GGTLC2: variants seen among roughly 807,000 people sequenced by gnomAD.
GGTLC2 encodes glutathione hydrolase light chain 2.
GGTLC2 carries 13 observed loss-of-function variants against 20.2 expected under a neutral mutation model. The observed-to-expected ratio is 0.64, with a 90% CI of 0.42 to 1.02. GGTLC2 has a LOEUF of 1.02. Among genes scored for constraint, GGTLC2 ranks in the 50% least tolerant of loss-of-function variants. GGTLC2 has a pLI of 0.00. For missense variants in GGTLC2, 202 were observed against 301.3 expected, an observed-to-expected ratio of 0.67 and a Z score of 2.44; for synonymous variants, 89 against 125.5, an observed-to-expected ratio of 0.71 and a Z score of 1.94.
chr22:22,645,971 T>G (rs574156084), intron 1 of GGTLC2: 13 of 365,244 alleles, frequency 3.6e-5, no homozygotes, highest in Non-Finnish European at 6.7e-5. Flanking sequence ...CTGTGTGTGT[T>G]TGTTTTTCTT....
chr22:22,645,149 C>T (rs1205648150), intron 1 of GGTLC2, among the ~76,000 whole-genome samples: 2 of 151,258 alleles, frequency 1.3e-5, no homozygotes, highest in African/African-American at 4.9e-5. Flanking sequence ...TCCCAAAGTG[C>T]TGGCATTACA....
intron 3 of GGTLC2, 22 bp from the exon 4 acceptor site, chr22:22,646,961 T>C (rs2146256952): frequency 6.2e-7 from 1 of 1,611,718 alleles, no homozygotes; most frequent in East Asian, 2.2e-5. Context: ...CGGGCATCCC[T>C]GTCTTCTCCC....
At chr22:22,646,030 C>T in intron 1 of GGTLC2, 2 of 848,370 alleles carry the variant, frequency 2.4e-6, no homozygotes, top group South Asian at 3.8e-5. Context: ...TTCCCCAGTT[C>T]CAGGCATGCA....
chr22:22,644,936 G>A (rs112268460), intron 1 of GGTLC2, among the ~76,000 whole-genome samples: 1 of 110,262 alleles, frequency 9.1e-6, no homozygotes. Context: ...TGTCGCCCAG[G>A]CTGGATTCCA....
Position 22,647,280 on chromosome 22 carries a change from A to C in GGTLC2, c.500A>C (p.Asn167Thr). 6.2e-7 allele frequency: 1 copy of C among 1,610,758 alleles called. No homozygotes were observed. Among genetic ancestry groups the C allele is most frequent in the Non-Finnish European group, 8.5e-7 (1 of 1,179,310 alleles). The stretch of plus-strand genomic sequence containing the variant: ...CCCAACGTCACGACAGTGGAGAGAA[A>C]CATTGACCAGGTGGGCCGGGGGTTG... ...LLPNVTTVER[N>T]IDQAVTAALE... is the part of the protein sequence containing the mutation. Residue 167 changes from asparagine (N) to threonine (T), a missense_variant, in exon 5 of 6, where the codon AAC becomes ACC. Coordinates refer to ENST00000448514, the MANE Select transcript of GGTLC2 (RefSeq NM_199127.3).
chr22:22,647,372 G>A, intron 5 of GGTLC2, 82 bp downstream of exon 5: 10 of 1,606,052 alleles, frequency 6.2e-6, no homozygotes, highest in Non-Finnish European at 8.5e-6. Context: ...ATCACAGAGT[G>A]GACAATTGTT....
At chr22:22,645,995 G>C in intron 1 of GGTLC2, 1 of 472,312 alleles carries the variant, frequency 2.1e-6, no homozygotes, top group Non-Finnish European at 3.6e-6. Context: ...ATGAGGGCAG[G>C]ACCTAAGTGT....
At position 22,647,299 on chromosome 22, in the gene GGTLC2, G is replaced by C. The variant is rs1167542887; in HGVS notation, c.510+9G>C. The C allele has an allele frequency of 1.2e-6, 2 of 1,608,576 alleles. No individual in the cohort carries two copies. On this transcript the variant is annotated intron_variant, in intron 5 of 5. Coordinates refer to ENST00000448514, the MANE Select transcript of GGTLC2 (RefSeq NM_199127.3). ...AGAGAAACATTGACCAGGTGGGCCG[G>C]GGGTTGGAGAAACTGAGTCACGGTG...
chr22:22,646,013 C>T lies in GGTLC2; in HGVS notation c.-34-299C>T, dbSNP rs1344512356. The T allele has an allele frequency of 2.0e-5, 13 of 634,864 alleles. 1 individual carries two copies. Among genetic ancestry groups the T allele is most frequent in the Admixed American group, 7.0e-5 (2 of 28,534 alleles). The allele number at this position is 634,864 out of a possible 1,614,324, so 39.3% of individuals were successfully genotyped here. A position where few individuals can be genotyped will look rare whatever the true frequency, so the allele number is the denominator to read the frequency against. On this transcript the variant is annotated intron_variant, in intron 1 of 5. Transcript: ENST00000448514. ...AGGGCAGGACCTAAGTGTCTGTTCC[C>T]TGTTGATTCCCCAGTTCCAGGCATG...
At position 22,647,753 on chromosome 22, in the gene GGTLC2, G is replaced by A. The variant is rs879207952; in HGVS notation, c.*12G>A. On this transcript the variant is annotated 3_prime_UTR_variant, in exon 6 of 6. Coordinates refer to ENST00000448514, the MANE Select transcript of GGTLC2 (RefSeq NM_199127.3). ...CTGCCGGCTACTGAGTGCTCCAGGA[G>A]GACAAGGCTGACAAGCAATCCAGGG... 8 of 1,576,092 alleles carry A rather than the reference G, an allele frequency of 5.1e-6. No homozygotes were observed. Among genetic ancestry groups the A allele is most frequent in the East Asian group, 4.5e-5 (2 of 43,990 alleles).
chr22:22,645,733 G>A (rs2064049529), intron 1 of GGTLC2, among the ~76,000 whole-genome samples: 1 of 151,466 alleles, frequency 6.6e-6, no homozygotes. Context: ...CTGTGGGATG[G>A]GCCCCAGCCT....
chr22:22,646,290 C>G lies in GGTLC2; in HGVS notation c.-34-22C>G. The G allele has an allele frequency of 7.0e-6, 6 of 858,574 alleles. 1 individual carries two copies. Among genetic ancestry groups the G allele is most frequent in the Non-Finnish European group, 9.2e-6 (5 of 544,060 alleles). 53.2% of individuals were successfully genotyped at this position (858,574 alleles called of 1,614,324 possible). On this transcript the variant is annotated intron_variant, in intron 1 of 5. Coordinates refer to ENST00000448514, the MANE Select transcript of GGTLC2 (RefSeq NM_199127.3). ...TTCTGAGACCTGTGTCCCCTCCCCA[C>G]CCTCCCTCCCCACCTCCTCAGGCCA... is the stretch of plus-strand genomic sequence containing the variant.
intron 1 of GGTLC2, among the ~76,000 whole-genome samples, chr22:22,645,054 G>A (rs112625264): frequency 1.4e-4 from 20 of 145,752 alleles, no homozygotes; most frequent in South Asian, 2.4e-4. Flanking sequence ...CACCACACCC[G>A]GCTAATTTTT....
At position 22,647,475 on chromosome 22, in the gene GGTLC2, G is replaced by A. The variant is rs984600639; in HGVS notation, c.511-120G>A. ...AGTGAGACCCAGCAGGCCCCAACCT[G>A]CTCTTCCTGATGACCTGGCCCGAAA... On this transcript the variant is annotated intron_variant, in intron 5 of 5. Transcript: ENST00000448514. 14 of 1,291,934 alleles carry A rather than the reference G, an allele frequency of 1.1e-5. No homozygotes were observed. In the East Asian group the frequency reaches 1.2e-4, roughly 11 times the overall value. The allele number at this position is 1,291,934 out of a possible 1,614,324, so 80.0% of individuals were successfully genotyped here.
In GGTLC2 at chr22:22,646,317, C is replaced by T; in HGVS notation, c.-29C>T. ...CTCCCTCCCCACCTCCTCAGGCCAG[C>T]TCTGGGGTCTCGGCAGGTGGTCCAC... On this transcript the variant is annotated 5_prime_UTR_variant, in exon 2 of 6. Transcript: ENST00000448514. 7.7e-7 allele frequency: 1 copy of T among 1,301,836 alleles called. No individual in the cohort carries two copies. The allele number at this position is 1,301,836 out of a possible 1,614,324, so 80.6% of individuals were successfully genotyped here. A position where few individuals can be genotyped will look rare whatever the true frequency, so the allele number is the denominator to read the frequency against.
chr22:22,644,913 T>G (rs1176738764), intron 1 of GGTLC2, among the ~76,000 whole-genome samples: 2 of 95,420 alleles, frequency 2.1e-5, no homozygotes, highest in Non-Finnish European at 3.9e-5. Flanking sequence ...TTTTTTGAGA[T>G]GGAGTCTCCC....
rs1415982574 is a variant in GGTLC2, at chr22:22,647,200, C to T, written c.420C>T (p.Phe140=). The change falls in exon 5 of 6, where the codon TTC becomes TTT. Residue 140 remains phenylalanine (F), a synonymous_variant. Transcript: ENST00000448514. ...MPQAIIYNLW[F]GYDVKRAVEE... ...AGGCCATCATCTACAACCTCTGGTT[C>T]GGCTATGACGTGAAGCGGGCCGTGG... 5.0e-6 allele frequency: 8 copies of T among 1,611,536 alleles called. No homozygotes were observed. Among genetic ancestry groups the T allele is most frequent in the East Asian group, 2.2e-5 (1 of 44,752 alleles).
rs8192912 is a variant in GGTLC2 at position 22,646,394 on chromosome 22, G to A, written c.49G>A (p.Asp17Asn). The change falls in exon 2 of 6, where the codon GAC becomes AAC. Residue 17 changes from aspartate (D) to asparagine (N), a missense_variant. Physicochemically the swap from Asp to Asn is conservative, Grantham distance 23. This residue lies in a region of GGTLC2 where 44 missense variants were observed against 81.2 expected (regional missense o/e 0.54). Coordinates refer to ENST00000448514, the MANE Select transcript of GGTLC2 (RefSeq NM_199127.3). ...AAQLRAQISD[D>N]TTHPISYYKP... ...CCAGCTCCGGGCCCAGATCTCTGAC[G>A]ACACCACTCACCCGATCTCCTACTA... is the stretch of plus-strand genomic sequence containing the variant. The A allele has an allele frequency of 1.8e-4, 274 of 1,564,568 alleles. 5 individuals carry two copies. The highest frequency in any genetic ancestry group is 1.6e-3 in the African/African-American group (117 of 72,134).
chr22:22,645,384 C>G (rs1197015269), intron 1 of GGTLC2, among the ~76,000 whole-genome samples: 3 of 148,744 alleles, frequency 2.0e-5, no homozygotes, highest in Non-Finnish European at 4.5e-5. Context: ...CGCCCTTGCC[C>G]GTGAACCCAT....
Sources: allele counts gnomAD v4.1 joint callset (sites outside exome capture counted in the v4.1 genomes callset), GRCh38; gene constraint gnomAD v4.1.1; regional missense constraint gnomAD v4.1.1; transcripts MANE v1.5; gene names NCBI Gene and HGNC (gene_info 2026-07-23, HGNC 2026-07-21).